Variants in PUDP observed in about 807,000 individuals in gnomAD.
PUDP encodes pseudouridine 5'-phosphatase, also known as pseudouridine-5'-phosphatase.
In PUDP, 8 loss-of-function variants were observed where a neutral mutation model predicts 9.4. The observed-to-expected ratio is 0.85, with a 90% CI of 0.50 to 1.53. The LOEUF (loss-of-function observed/expected upper bound fraction) is 1.53, where lower values mean the gene tolerates loss of function less well. Ranked by LOEUF, PUDP falls within the 40% of genes most tolerant of loss-of-function variation. The probability of loss-of-function intolerance (pLI) is 0.00; values close to 1 mark genes in which losing one functional copy is unlikely to be tolerated. For missense variants in PUDP, 188 were observed against 189.7 expected, an observed-to-expected ratio of 0.99 and a Z score of 0.05; for synonymous variants, 99 against 80.7, an observed-to-expected ratio of 1.23 and a Z score of -1.22.
intron 1 of PUDP, among the ~76,000 whole-genome samples, chrX:7,113,740 T>C (rs1300697147): frequency 1.8e-5 from 2 of 112,296 alleles, no homozygotes; most frequent in Non-Finnish European, 3.8e-5. Flanking sequence ...GATATTCTAC[T>C]GCTTGTTTCC....
intron 3 of PUDP, among the ~76,000 whole-genome samples, chrX:6,945,879 G>A (rs1602684850): frequency 1.8e-5 from 2 of 111,240 alleles, no homozygotes; most frequent in South Asian, 3.8e-4. Flanking sequence ...CTTAGCCAAA[G>A]GGACCCCAGA....
chrX:7,078,302 T>G (rs946263026), intron 2 of PUDP, among the ~76,000 whole-genome samples: 11 of 112,494 alleles, frequency 9.8e-5, no homozygotes, highest in Non-Finnish European at 3.8e-5. Context: ...TAAAATTTCA[T>G]TTTATTTTTC....
intron 3 of PUDP, among the ~76,000 whole-genome samples, chrX:6,835,653 C>T (rs998837232): frequency 8.9e-6 from 1 of 111,822 alleles, no homozygotes; most frequent in Non-Finnish European, 1.9e-5. Context: ...AAGAAAGATT[C>T]CCTTGTCTCT....
intron 3 of PUDP, among the ~76,000 whole-genome samples, chrX:6,900,575 G>GAGAAAGAGAGAAGGAT (rs765184346): frequency 1.3e-4 from 13 of 103,936 alleles, no homozygotes; most frequent in Non-Finnish European, 2.4e-4. Context: ...GAGAGAGGGA[G>GAGAAAGAGAGAAGGAT]ACGGAGAGGG....
intron 1 of PUDP, among the ~76,000 whole-genome samples, chrX:6,996,070 G>T (rs1398559020): frequency 9.1e-6 from 1 of 110,480 alleles, no homozygotes; most frequent in Non-Finnish European, 1.9e-5. Flanking sequence ...AGTTATTTGA[G>T]GGCTTAGGTG....
At chrX:6,809,352 CA>C (rs777501783) in intron 3 of PUDP, among the ~76,000 whole-genome samples, 2 of 109,873 alleles carry the variant, frequency 1.8e-5, no homozygotes, top group South Asian at 8.0e-4. Context: ...CACTGGAGTA[CA>C]GTGGCGCGAT....
chrX:6,907,541 C>A (rs1332640609), intron 3 of PUDP, among the ~76,000 whole-genome samples: 2 of 111,878 alleles, frequency 1.8e-5, no homozygotes, highest in African/African-American at 6.5e-5. Flanking sequence ...CATTTAATGT[C>A]AGTTTCCATG....
intron 3 of PUDP, among the ~76,000 whole-genome samples, chrX:6,826,804 T>C (rs1474992545): frequency 8.9e-6 from 1 of 112,019 alleles, no homozygotes; most frequent in East Asian, 2.8e-4. Flanking sequence ...CTCTCTAAGG[T>C]ATCCTCTGTC....
chrX:6,869,139 T>C (rs1367105739), intron 3 of PUDP, among the ~76,000 whole-genome samples: 1 of 111,339 alleles, frequency 9.0e-6, no homozygotes, highest in East Asian at 2.8e-4. Flanking sequence ...ATATCTGGAG[T>C]TTACATTCCT....
chrX:6,964,733 T>C (rs1265335551), intron 3 of PUDP, among the ~76,000 whole-genome samples: 1 of 111,413 alleles, frequency 9.0e-6, no homozygotes, highest in Non-Finnish European at 1.9e-5. Context: ...ATAAAAAGTG[T>C]TGAGCTCCTT....
chrX:7,069,383 C>A (rs1334718998), intron 3 of PUDP, among the ~76,000 whole-genome samples: 1 of 111,195 alleles, frequency 9.0e-6, no homozygotes, highest in African/African-American at 3.3e-5. Context: ...GGCTAGTGTT[C>A]TGGACACGGA....
At chrX:7,083,432 T>C (rs1931165997) in intron 2 of PUDP, among the ~76,000 whole-genome samples, 1 of 111,315 alleles carries the variant, frequency 9.0e-6, no homozygotes, top group Non-Finnish European at 1.9e-5. Flanking sequence ...AACAGAATGC[T>C]AGAAAAGAAC....
chrX:7,108,160 T>C (rs1931940020), intron 1 of PUDP, among the ~76,000 whole-genome samples: 1 of 112,845 alleles, frequency 8.9e-6, no homozygotes, highest in Non-Finnish European at 1.9e-5. Flanking sequence ...ATCATGTTCC[T>C]TCAGCAGCAT....
rs111457121 is a variant in PUDP, at chrX:7,011,044, G to A, written c.205-32701C>T. 1.6e-3 allele frequency among the ~76,000 whole-genome samples: 180 copies of A among 112,082 alleles called. 2 individuals carry two copies. The highest frequency in any genetic ancestry group is 5.4e-3 in the African/African-American group (166 of 30,764). On this transcript the variant is annotated intron_variant and NMD_transcript_variant, in intron 1 of 3. Coordinates refer to the PUDP transcript ENST00000655425. ...AAAGGCTCTTCATTAGAAACATCTC[G>A]GGTTGGTAATGATTGGGGCAAATGT...
intron 3 of PUDP, among the ~76,000 whole-genome samples, chrX:6,898,651 A>G (rs897353726): frequency 8.9e-6 from 1 of 112,495 alleles, no homozygotes; most frequent in African/African-American, 3.2e-5. Context: ...CCAGCTTAGC[A>G]GCAAAACAGC....
rs191463744 is a variant in PUDP at position 6,927,427 on chromosome X, G to A, written c.*247+49706C>T. ...ATTCTTATATTCCTTATCAGATAAC[G>A]ATGCTGTTGAAAGTGGATACACTTA... On this transcript the variant is annotated intron_variant and NMD_transcript_variant, in intron 3 of 3. Coordinates refer to the PUDP transcript ENST00000655425. Among the ~76,000 whole-genome samples the A allele has an allele frequency of 4.2e-4, 47 of 112,097 alleles. No homozygotes were observed. The Admixed American group carries it at 4.3e-3, about 10-fold the overall frequency.
chrX:6,838,355 G>T (rs1156491720), intron 3 of PUDP, among the ~76,000 whole-genome samples: 1 of 112,532 alleles, frequency 8.9e-6, no homozygotes, highest in African/African-American at 3.2e-5. Flanking sequence ...TCCACTCACT[G>T]CCATCTGTCT....
chrX:6,928,006 G>A (rs1469940995), intron 3 of PUDP, among the ~76,000 whole-genome samples: 1 of 105,753 alleles, frequency 9.5e-6, no homozygotes, highest in Non-Finnish European at 1.9e-5. Context: ...CCAGGCTGGA[G>A]TGCAGTGGCA....
At position 6,740,793 on chromosome X, in the gene PUDP, G is replaced by A. The variant is rs967691817; in HGVS notation, c.*248-34327C>T. 8.1e-5 allele frequency among the ~76,000 whole-genome samples: 9 copies of A among 111,561 alleles called. No homozygotes were observed. In the South Asian group the frequency reaches 1.5e-3, roughly 19 times the overall value. The stretch of plus-strand genomic sequence containing the variant: ...CGTGCTCCTCATCCCACACTTTCAC[G>A]ACATCTTATCAACGAGTTCTAATAC... On this transcript the variant is annotated intron_variant and NMD_transcript_variant, in intron 3 of 3. Coordinates refer to the PUDP transcript ENST00000655425.
Sources: gnomAD v4.1 joint callset for allele counts (sites outside exome capture counted in the v4.1 genomes callset) on GRCh38, gnomAD v4.1.1 for gene constraint, MANE v1.5 for transcripts, NCBI Gene and HGNC (gene_info 2026-07-23, HGNC 2026-07-21) for gene names.